The following MCM3AP variants were observed in gnomAD, a reference collection of about 807,000 sequenced individuals.
The protein encoded by MCM3AP is germinal-center associated nuclear protein.
A neutral mutation model predicts 184.1 loss-of-function variants in MCM3AP; 126 were observed. That is an observed-to-expected ratio of 0.68 (90% CI 0.59 to 0.79). MCM3AP has a LOEUF of 0.79. Ranked by LOEUF, MCM3AP falls within the 30% of genes least tolerant of loss-of-function variation. The probability of loss-of-function intolerance (pLI) is 0.00; values close to 1 mark genes in which losing one functional copy is unlikely to be tolerated. For synonymous variants in MCM3AP, 1,002 were observed against 979.3 expected (o/e 1.02, Z -0.43); for missense variants, 2,496 against 2,479.2 (o/e 1.01, Z -0.14).
chr21:46,277,280 A>G (rs2081267918), intron 5 of MCM3AP, among the ~76,000 whole-genome samples: 1 of 152,152 alleles, frequency 6.6e-6, no homozygotes, highest in Non-Finnish European at 1.5e-5. Context: ...ACAGGAGCCC[A>G]TTCTTTTGCA....
Position 46,251,658 on chromosome 21 carries a change from G to C in MCM3AP, c.4161C>G (p.Val1387=), listed in dbSNP as rs1296452072. ...CGRILANWLK[V]KFMGDEGSVD... is the part of the protein sequence containing the mutation. ...CTGAGCCTTCATCTCCCATGAACTTGACTTTTAACCAATTTGCTAGAATTC... is the reference window on the plus strand; with the variant it reads ...CTGAGCCTTCATCTCCCATGAACTTCACTTTTAACCAATTTGCTAGAATTC... The change falls in exon 20 of 28, where the codon GTC becomes GTG. Residue 1387 remains valine, a synonymous_variant. Transcript: ENST00000291688. 5 of 1,594,664 alleles carry C rather than the reference G, an allele frequency of 3.1e-6. No individual in the cohort carries two copies. In the African/African-American group the frequency reaches 6.7e-5, roughly 21 times the overall value.
In MCM3AP at chr21:46,256,832, G is replaced by C; in HGVS notation, c.3889C>G (p.Leu1297Val). 6.4e-7 allele frequency: 1 copy of C among 1,567,212 alleles called. No homozygotes were observed. Among genetic ancestry groups the C allele is most frequent in the African/African-American group, 1.4e-5 (1 of 74,066 alleles). Residue 1297 changes from leucine (L) to valine (V), a missense_variant, in exon 17 of 28, where the codon CTG becomes GTG. Physicochemically the swap from Leu to Val is conservative, Grantham distance 32 (BLOSUM62 1). Around this residue, in one of 5 missense-constraint regions of MCM3AP, gnomAD observed 1,323 missense variants for 1,273.4 expected, o/e 1.04. Coordinates refer to ENST00000291688, the MANE Select transcript of MCM3AP (RefSeq NM_003906.5). ...IAEENLARGL[L>V]DLGHAGRLGI... ...AATCTCCCTGCATGGCCCAGGTCCA[G>C]GAGGCCCCTGGCCAGGTTCTCTTCA...
At chr21:46,248,197 C>T (rs900615479) in intron 20 of MCM3AP, among the ~76,000 whole-genome samples, 1 of 152,056 alleles carries the variant, frequency 6.6e-6, no homozygotes, top group Non-Finnish European at 1.5e-5. Context: ...CAGAGCCTGA[C>T]CCTATTGGCG....
At chr21:46,252,130 T>C (rs1481384889) in intron 19 of MCM3AP, 1 of 154,042 alleles carries the variant, frequency 6.5e-6, no homozygotes, top group Non-Finnish European at 1.4e-5. Context: ...GCCTCCCCAG[T>C]TGCTGGGATT....
intron 3 of MCM3AP, among the ~76,000 whole-genome samples, 167 bp from the exon 4 acceptor site, chr21:46,280,304 C>T (rs534899222): frequency 6.6e-6 from 1 of 152,316 alleles, no homozygotes; most frequent in East Asian, 1.9e-4. Flanking sequence ...AGCCAGCCTC[C>T]TCCACTGGCT....
At chr21:46,239,040 A>C (rs2080599619) in intron 26 of MCM3AP, among the ~76,000 whole-genome samples, 1 of 152,234 alleles carries the variant, frequency 6.6e-6, no homozygotes, top group African/African-American at 2.4e-5. Flanking sequence ...AGAGATCTGA[A>C]GTGAGTACAA....
At position 46,243,561 on chromosome 21, in the gene MCM3AP, G is replaced by A. The variant is rs2080711824; in HGVS notation, c.5200C>T (p.Pro1734Ser). The A allele has an allele frequency of 1.2e-6, 2 of 1,614,076 alleles. No individual in the cohort carries two copies. Among genetic ancestry groups the A allele is most frequent in the East Asian group, 2.2e-5 (1 of 44,876 alleles). The change falls in exon 24 of 28, where the codon CCC becomes TCC. Residue 1734 changes from proline (P) to serine (S), a missense_variant. Pro to Ser is a moderately conservative substitution (Grantham distance 74). Coordinates refer to ENST00000291688, the MANE Select transcript of MCM3AP (RefSeq NM_003906.5). ...KSPSPVHGAG[P>S]SVMEIPWDDL... ...TCCCATGGGATCTCCATGACCGAGG[G>A]GCCTGCCCCATGGACTGGGGAGGGA...
intron 7 of MCM3AP, among the ~76,000 whole-genome samples, 189 bp downstream of exon 7, chr21:46,273,199 T>A (rs1224292600): frequency 6.6e-6 from 1 of 152,178 alleles, no homozygotes; most frequent in Non-Finnish European, 1.5e-5. Context: ...GGTCTCAAAC[T>A]CCTGACCTCA....
intron 12 of MCM3AP, among the ~76,000 whole-genome samples, chr21:46,264,781 CAG>C (rs1491128733): frequency 3.5e-5 from 2 of 57,652 alleles, no homozygotes; most frequent in Non-Finnish European, 6.5e-5. Context: ...CCACGCCTAT[CAG>C]GGGGCACAGC....
At chr21:46,271,143 C>T (rs1601532918) in intron 8 of MCM3AP, among the ~76,000 whole-genome samples, 2 of 151,944 alleles carry the variant, frequency 1.3e-5, no homozygotes, top group East Asian at 3.9e-4. Flanking sequence ...GACAATACAG[C>T]AATCTTTCAT....
At chr21:46,280,386 G>T in intron 3 of MCM3AP, 111 bp downstream of exon 3, 1 of 885,942 alleles carries the variant, frequency 1.1e-6, no homozygotes, top group Non-Finnish European at 1.8e-6. Flanking sequence ...ATGCACAATG[G>T]CTCATGCCTG....
chr21:46,273,309 T>C, intron 7 of MCM3AP, 79 bp downstream of exon 7: 2 of 1,329,676 alleles, frequency 1.5e-6, no homozygotes, highest in East Asian at 2.4e-5. Flanking sequence ...ATAAAATATA[T>C]AACAGAGTAA....
intron 19 of MCM3AP, 38 bp from the exon 20 acceptor site, chr21:46,251,720 T>C (rs776133071): frequency 7.9e-7 from 1 of 1,271,562 alleles, no homozygotes; most frequent in Non-Finnish European, 1.1e-6. Flanking sequence ...AAAAAAACAC[T>C]TGAAGAATCT....
chr21:46,272,797 C>T lies in MCM3AP; in HGVS notation c.2229G>A (p.Leu743=). The T allele has an allele frequency of 6.2e-7, 1 of 1,606,842 alleles. No homozygotes were observed. Among genetic ancestry groups the T allele is most frequent in the Non-Finnish European group, 8.5e-7 (1 of 1,175,532 alleles). The change falls in exon 8 of 28, where the codon CTG becomes CTA. Residue 743 remains leucine, a synonymous_variant. Transcript: ENST00000291688. Reference sequence around the variant, plus strand: ...TGCACTTCTCAATCAGGGACACCGTCAGGGGGTCACAGAGGTGCTGCTGCG... The same window carrying T: ...TGCACTTCTCAATCAGGGACACCGTTAGGGGGTCACAGAGGTGCTGCTGCG... ...DITQQHLCDP[L]TVSLIEKCTR...
In MCM3AP at chr21:46,243,559, G is replaced by T. The variant is rs773195467; in HGVS notation, c.5202C>A (p.Pro1734=). The T allele has an allele frequency of 3.7e-6, 6 of 1,614,214 alleles. No homozygotes were observed. The highest frequency in any genetic ancestry group is 1.1e-5 in the South Asian group (1 of 91,084). ...CATCCCATGGGATCTCCATGACCGAGGGGCCTGCCCCATGGACTGGGGAGG... is the reference window on the plus strand; with the variant it reads ...CATCCCATGGGATCTCCATGACCGATGGGCCTGCCCCATGGACTGGGGAGG... ...KSPSPVHGAG[P]SVMEIPWDDL... is the part of the protein sequence containing the mutation. Residue 1734 remains proline (P), a synonymous_variant, in exon 24 of 28, where the codon CCC becomes CCA. Coordinates refer to ENST00000291688, the MANE Select transcript of MCM3AP (RefSeq NM_003906.5).
intron 2 of MCM3AP, among the ~76,000 whole-genome samples, chr21:46,281,456 T>C (rs1219660443): frequency 6.6e-6 from 1 of 152,194 alleles, no homozygotes; most frequent in African/African-American, 2.4e-5. Flanking sequence ...ATTTACATAT[T>C]AGTTATGTCA....
chr21:46,276,442 A>T (rs570023308), intron 5 of MCM3AP, among the ~76,000 whole-genome samples: 191 of 150,038 alleles, frequency 1.3e-3, no homozygotes, highest in Non-Finnish European at 6.4e-4. Flanking sequence ...CCTATAGCTG[A>T]TTTTTTTTTT....
intron 9 of MCM3AP, among the ~76,000 whole-genome samples, chr21:46,269,222 TC>T (rs1309045435): frequency 6.6e-6 from 1 of 151,972 alleles, no homozygotes; most frequent in African/African-American, 2.4e-5. Context: ...CAAGCGATCC[TC>T]CCACCTCAGC....
chr21:46,282,598 A>T (rs2081347731), intron 2 of MCM3AP, among the ~76,000 whole-genome samples: 1 of 152,048 alleles, frequency 6.6e-6, no homozygotes, highest in Non-Finnish European at 1.5e-5. Context: ...AGGTCAGGAG[A>T]TCGAGACCAT....
Sources: allele counts gnomAD v4.1 joint callset (sites outside exome capture counted in the v4.1 genomes callset), GRCh38; gene constraint gnomAD v4.1.1; regional missense constraint gnomAD v4.1.1; transcripts MANE v1.5; gene names NCBI Gene and HGNC (gene_info 2026-07-23, HGNC 2026-07-21).